Variants in TNS1 observed in about 807,000 individuals in gnomAD.
TNS1 encodes tensin-1.
TNS1 carries 62 observed loss-of-function variants against 168.6 expected under a neutral mutation model. That is an observed-to-expected ratio of 0.37 (90% CI 0.30 to 0.45). TNS1 has a LOEUF of 0.45. Ranked by LOEUF, TNS1 falls within the 20% of genes least tolerant of loss-of-function variation. The probability of loss-of-function intolerance (pLI) is 1.00; values close to 1 mark genes in which losing one functional copy is unlikely to be tolerated. For missense variants in TNS1, 2,240 were observed against 2,339.4 expected (o/e 0.96, Z 0.88); for synonymous variants, 934 against 933.2 (o/e 1.00, Z -0.02).
At chr2:217,827,500 C>A (rs574160150) in intron 22 of TNS1, among the ~76,000 whole-genome samples, 1 of 152,294 alleles carries the variant, frequency 6.6e-6, no homozygotes, top group East Asian at 1.9e-4. Context: ...TTGCTCCCTG[C>A]CCCTTCCCCG....
chr2:217,835,141 G>A lies in TNS1; in HGVS notation c.3230C>T (p.Ala1077Val), dbSNP rs199542563. 1.3e-6 allele frequency: 2 copies of A among 1,592,696 alleles called. No homozygotes were observed. The highest frequency in any genetic ancestry group is 4.6e-5 in the East Asian group (2 of 43,248). Residue 1077 changes from alanine (A) to valine (V), a missense_variant, in exon 21 of 33, where the codon GCC becomes GTC. This residue lies in a region of TNS1 where 2,131 missense variants were observed against 2,171.2 expected (regional missense o/e 0.98). Coordinates refer to ENST00000682258, the MANE Select transcript of TNS1 (RefSeq NM_001387777.1). ...KEPHLHSYKE[A>V]FEEMEGTSPS... Reference sequence around the variant, plus strand: ...GGAGGTTCCCTCCATCTCCTCGAAGGCCTCCTTGTAGCTGTGCAAATGGGG... The same window carrying A: ...GGAGGTTCCCTCCATCTCCTCGAAGACCTCCTTGTAGCTGTGCAAATGGGG...
intron 2 of TNS1, among the ~76,000 whole-genome samples, chr2:217,980,504 C>CAGAGAGAGAGAG (rs1217065280): frequency 9.9e-5 from 13 of 131,340 alleles, no homozygotes; most frequent in African/African-American, 2.8e-4. Flanking sequence ...CCTACACACA[C>CAGAGAGAGAGAG]ACAGAGAGAG....
intron 23 of TNS1, 86 bp downstream of exon 23, chr2:217,821,654 G>T: frequency 7.7e-7 from 1 of 1,301,790 alleles, no homozygotes; most frequent in Admixed American, 3.6e-5. Flanking sequence ...CACGCCATAG[G>T]CAACAGATCC....
chr2:217,800,748 GA>G lies in TNS1; in HGVS notation c.*3710del, dbSNP rs879064091. 6.4e-4 allele frequency: 96 copies of G among 150,610 alleles called. 1 individual carries two copies. In the South Asian group the frequency reaches 0.013, roughly 21 times the overall value. 9.3% of individuals were successfully genotyped at this position (150,610 alleles called of 1,614,324 possible). A position where few individuals can be genotyped will look rare whatever the true frequency, so the allele number is the denominator to read the frequency against. ...CAGGATCTCCCCAGGTCCTAAAGCT[GA>G]AAAAAAAAGTGGGAGAAGATCCAGG... On this transcript the variant is annotated 3_prime_UTR_variant, in exon 33 of 33. Coordinates refer to ENST00000682258, the MANE Select transcript of TNS1 (RefSeq NM_001387777.1).
chr2:217,923,530 G>A (rs1340708956), intron 3 of TNS1, among the ~76,000 whole-genome samples: 3 of 152,170 alleles, frequency 2.0e-5, no homozygotes, highest in African/African-American at 7.2e-5. Flanking sequence ...GCCAACAGGA[G>A]GCACGATGCA....
chr2:217,859,541 G>T, intron 18 of TNS1: 2 of 1,102,822 alleles, frequency 1.8e-6, no homozygotes, highest in Non-Finnish European at 2.7e-6. Context: ...GCCCCAACAT[G>T]AAGTTCTCAG....
chr2:217,908,427 T>C (rs1217917002), intron 4 of TNS1, among the ~76,000 whole-genome samples: 1 of 152,112 alleles, frequency 6.6e-6, no homozygotes, highest in Non-Finnish European at 1.5e-5. Context: ...CTGGAATGGT[T>C]GTGAAGCAAA....
At chr2:217,839,067 T>TACACAC (rs71057583) in intron 19 of TNS1, among the ~76,000 whole-genome samples, 13 of 146,886 alleles carry the variant, frequency 8.9e-5, no homozygotes, top group African/African-American at 3.1e-4. Flanking sequence ...TGCATGTACA[T>TACACAC]ACACACACAC....
chr2:217,916,651 CA>C (rs1559352872), intron 4 of TNS1, among the ~76,000 whole-genome samples: 2 of 152,144 alleles, frequency 1.3e-5, no homozygotes, highest in African/African-American at 4.8e-5. Context: ...AGGCCTTGGG[CA>C]ACATCTGTTG....
intron 19 of TNS1, among the ~76,000 whole-genome samples, chr2:217,846,158 C>T (rs760164855): frequency 3.3e-5 from 5 of 152,126 alleles, no homozygotes; most frequent in Non-Finnish European, 7.4e-5. Context: ...TCCTTTGTTC[C>T]GATGCTCAGG....
At chr2:217,968,007 C>G (rs575634852) in intron 3 of TNS1, among the ~76,000 whole-genome samples, 5 of 152,122 alleles carry the variant, frequency 3.3e-5, no homozygotes, top group East Asian at 1.9e-4. Flanking sequence ...AACTGAAAAT[C>G]AATTGATGTA....
Position 217,837,097 on chromosome 2 carries a change from C to T in TNS1, c.3008-886G>A, listed in dbSNP as rs996097190. Among the ~76,000 whole-genome samples the T allele has an allele frequency of 5.3e-5, 8 of 152,228 alleles. No individual in the cohort carries two copies. The East Asian group carries it at 9.7e-4, about 18-fold the overall frequency. On this transcript the variant is annotated intron_variant, in intron 19 of 32. Coordinates refer to ENST00000682258, the MANE Select transcript of TNS1 (RefSeq NM_001387777.1). The stretch of plus-strand genomic sequence containing the variant: ...ACTTCCTGGGTCCCAGAGGCCAAGA[C>T]CCAGCCTGAAGCGTGGGCTTCTGGT...
rs184189523 is a variant in TNS1 at position 217,902,730 on chromosome 2, G to C, written c.322-2218C>G. Among the ~76,000 whole-genome samples the C allele has an allele frequency of 1.5e-3, 236 of 152,354 alleles. 1 individual carries two copies. The highest frequency in any genetic ancestry group is 2.9e-3 in the Admixed American group (45 of 15,306). Reference sequence around the variant, plus strand: ...CCCGCTCTGCTCCACCGGGCGGGGAGGGGAGGGGAGGCATGGGGAGGAAGC... The same window carrying C: ...CCCGCTCTGCTCCACCGGGCGGGGACGGGAGGGGAGGCATGGGGAGGAAGC... On this transcript the variant is annotated intron_variant, in intron 6 of 32. Transcript: ENST00000682258.
intron 4 of TNS1, among the ~76,000 whole-genome samples, chr2:217,912,319 G>A (rs1954509101): frequency 6.6e-6 from 1 of 152,248 alleles, no homozygotes. Flanking sequence ...GATTGGGGAG[G>A]AGGGTGCGCA....
At chr2:217,984,832 T>C (rs1448906004) in intron 2 of TNS1, among the ~76,000 whole-genome samples, 1 of 150,858 alleles carries the variant, frequency 6.6e-6, no homozygotes, top group Admixed American at 6.6e-5. Flanking sequence ...CTCGGCTCAC[T>C]GCAACCTCCA....
chr2:217,855,179 C>G (rs1476883654), intron 18 of TNS1, among the ~76,000 whole-genome samples: 1 of 152,168 alleles, frequency 6.6e-6, no homozygotes, highest in Non-Finnish European at 1.5e-5. Context: ...CCCAACAGGC[C>G]TCTGCCTACC....
At chr2:218,011,469 G>A (rs548463383), upstream of TNS1, among the ~76,000 whole-genome samples, 57 of 152,224 alleles carry the variant, frequency 3.7e-4, 1 homozygote, top group South Asian at 0.011. Flanking sequence ...GCTGCCAGGG[G>A]GCCTCTTCCG....
At chr2:217,810,193 C>T in intron 29 of TNS1, 55 bp downstream of exon 29, 2 of 1,595,224 alleles carry the variant, frequency 1.3e-6, no homozygotes, top group Non-Finnish European at 1.7e-6. Context: ...GGGGTCAGGG[C>T]AGGAAGGCAG....
At chr2:217,905,404 G>A (rs1953543827) in intron 6 of TNS1, 1 of 448,408 alleles carries the variant, frequency 2.2e-6, no homozygotes, top group Non-Finnish European at 4.5e-6. Context: ...GGACATGCAG[G>A]GCTGCCCCAG....
Sources: gnomAD v4.1 joint callset for allele counts (sites outside exome capture counted in the v4.1 genomes callset) on GRCh38, gnomAD v4.1.1 for gene constraint, gnomAD v4.1.1 regional missense constraint, MANE v1.5 for transcripts, NCBI Gene and HGNC (gene_info 2026-07-23, HGNC 2026-07-21) for gene names.